ZNF839: variants seen among roughly 807,000 people sequenced by gnomAD.
ZNF839 encodes renal carcinoma antigen NY-REN-50.
In ZNF839, 38 loss-of-function variants were observed where a neutral mutation model predicts 56.4. The ratio of observed to expected loss-of-function variants is 0.67; its 90% CI spans 0.52 to 0.88. ZNF839 has a LOEUF of 0.88. Among genes scored for constraint, ZNF839 ranks in the 40% least tolerant of loss-of-function variants. The probability of loss-of-function intolerance (pLI) is 0.00; values close to 1 mark genes in which losing one functional copy is unlikely to be tolerated. For synonymous variants in ZNF839, 486 were observed against 493.5 expected, an observed-to-expected ratio of 0.98 and a Z score of 0.20; for missense variants, 1,091 against 1,177.6, an observed-to-expected ratio of 0.93 and a Z score of 1.08.
intron 1 of ZNF839, among the ~76,000 whole-genome samples, chr14:102,320,293 C>A (rs1383069270): frequency 2.0e-5 from 3 of 152,226 alleles, no homozygotes; most frequent in Non-Finnish European, 4.4e-5. Flanking sequence ...GGAACGCCCT[C>A]GTGCCTTCTC....
rs1339733251 is a variant in ZNF839 at position 102,324,478 on chromosome 14, G to C, written c.289-1507G>C. 5.9e-5 allele frequency among the ~76,000 whole-genome samples: 9 copies of C among 152,152 alleles called. No individual in the cohort carries two copies. In the East Asian group the frequency reaches 1.7e-3, roughly 29 times the overall value. Reference sequence around the variant, plus strand: ...GAATTGCTTGAACCTGAGAGGCAGAGGTTGCACTGAGCTGAGATAGCGCCA... The same window carrying C: ...GAATTGCTTGAACCTGAGAGGCAGACGTTGCACTGAGCTGAGATAGCGCCA... On this transcript the variant is annotated intron_variant, in intron 1 of 7. Coordinates refer to ENST00000442396, the MANE Select transcript of ZNF839 (RefSeq NM_018335.6).
upstream of ZNF839, among the ~76,000 whole-genome samples, chr14:102,319,147 C>G (rs1370838587): frequency 2.6e-5 from 4 of 152,204 alleles, no homozygotes; most frequent in African/African-American, 9.7e-5. This position sits in a 1 kb window ranked among gnomAD's most constrained non-coding sequence, Gnocchi z 4.5. Context: ...TCATATTCAT[C>G]CATCCATCAT....
chr14:102,326,633 T>A lies in ZNF839; in HGVS notation c.937T>A (p.Phe313Ile). 6.2e-7 allele frequency: 1 copy of A among 1,613,444 alleles called. No individual in the cohort carries two copies. Among genetic ancestry groups the A allele is most frequent in the Non-Finnish European group, 8.5e-7 (1 of 1,179,724 alleles). ...GAGCTGCTCCCTGAGGCCCAAAAGC[T>A]TTAAGTGTCAGACTTGTGAAAAGTC... ...LSSCSLRPKSFKCQTCEKSYI... is the reference protein window; with the variant it reads ...LSSCSLRPKSIKCQTCEKSYI... The change falls in exon 2 of 8, where the codon TTT (phenylalanine) becomes ATT (isoleucine). Residue 313 changes from phenylalanine (F) to isoleucine (I), a missense_variant. By Grantham distance (21) the Phe-to-Ile change is conservative. Coordinates refer to ENST00000442396, the MANE Select transcript of ZNF839 (RefSeq NM_018335.6). This position sits in a 1 kb window ranked among gnomAD's most constrained non-coding sequence, Gnocchi z 4.3.
intron 1 of ZNF839, 21 bp from the exon 2 acceptor site, chr14:102,325,964 T>C: frequency 1.9e-6 from 3 of 1,605,870 alleles, no homozygotes; most frequent in South Asian, 2.2e-5. Flanking sequence ...CTTTTCTCTT[T>C]CTTGTCTTTC....
At chr14:102,337,821 G>A (rs912219281) in intron 5 of ZNF839, 1 of 152,218 alleles carries the variant, frequency 6.6e-6, no homozygotes, top group Non-Finnish European at 1.5e-5. Flanking sequence ...TGCTCTGTGG[G>A]GTTCTCTTTA....
In ZNF839 at chr14:102,332,397, T is replaced by C. The variant is rs1369397217; in HGVS notation, c.1416+551T>C. Among the ~76,000 whole-genome samples the C allele has an allele frequency of 1.3e-5, 2 of 152,026 alleles. No individual in the cohort carries two copies. Among genetic ancestry groups the C allele is most frequent in the Non-Finnish European group, 2.9e-5 (2 of 68,004 alleles). On this transcript the variant is annotated intron_variant, in intron 3 of 7. Coordinates refer to ENST00000442396, the MANE Select transcript of ZNF839 (RefSeq NM_018335.6). The surrounding 1 kb of genome is among the most constrained non-coding windows in gnomAD (Gnocchi z 4.9). ...ATCCACCCGCCTTGGCTTCCCAAAG[T>C]GTTGGGATTACAGGCATGAGCCACC...
At chr14:102,324,910 G>T (rs1193797689) in intron 1 of ZNF839, among the ~76,000 whole-genome samples, 1 of 151,960 alleles carries the variant, frequency 6.6e-6, no homozygotes. Context: ...AGATAGTGTC[G>T]CTCCACTCCA....
rs1567280693 is a variant in ZNF839, at chr14:102,319,801, C to T, written c.36C>T (p.Ser12=). 8.1e-6 allele frequency: 10 copies of T among 1,231,744 alleles called. No individual in the cohort carries two copies. The highest frequency in any genetic ancestry group is 3.2e-5 in the East Asian group (1 of 31,514). The allele number at this position is 1,231,744 out of a possible 1,614,324, so 76.3% of individuals were successfully genotyped here. A position where few individuals can be genotyped will look rare whatever the true frequency, so the allele number is the denominator to read the frequency against. ...ADAEPEAGGG[S]EDGGGGGGPA... is the part of the protein sequence containing the mutation. ...CGGAGCCGGAGGCTGGGGGCGGCAG[C>T]GAGGATGGCGGCGGCGGCGGCGGCC... Residue 12 remains serine (S), a synonymous_variant, in exon 1 of 8, where the codon AGC becomes AGT. Coordinates refer to ENST00000442396, the MANE Select transcript of ZNF839 (RefSeq NM_018335.6). The surrounding 1 kb of genome is among the most constrained non-coding windows in gnomAD (Gnocchi z 4.5).
At chr14:102,317,814 CTTCACATTTCT>C (rs1597701262), upstream of ZNF839, 1 of 152,184 alleles carries the variant, frequency 6.6e-6, no homozygotes, top group African/African-American at 2.4e-5. Context: ...ACATCTTAGG[CTTCACATTTCT>C]TCCTCTTGGT....
intron 5 of ZNF839, among the ~76,000 whole-genome samples, chr14:102,336,242 A>C (rs1490003602): frequency 6.6e-6 from 1 of 151,494 alleles, no homozygotes; most frequent in Non-Finnish European, 1.5e-5. Flanking sequence ...TAGTAATGAC[A>C]TTTTCCTGTT....
intron 5 of ZNF839, chr14:102,337,118 C>T (rs1885839475): frequency 1.3e-5 from 2 of 152,104 alleles, no homozygotes; most frequent in African/African-American, 2.4e-5. Context: ...ACACAATTCT[C>T]ATTTCAGTGT....
At chr14:102,323,475 C>A (rs1005218391) in intron 1 of ZNF839, among the ~76,000 whole-genome samples, 1 of 152,194 alleles carries the variant, frequency 6.6e-6, no homozygotes, top group Non-Finnish European at 1.5e-5. Flanking sequence ...TCCCTGACAC[C>A]TGTAACAGTG....
chr14:102,320,860 A>AG (rs555628242), intron 1 of ZNF839, among the ~76,000 whole-genome samples: 149 of 152,192 alleles, frequency 9.8e-4, no homozygotes, highest in Non-Finnish European at 1.9e-3. Context: ...CTGAAGCCAG[A>AG]GGGCCTACAC....
chr14:102,339,139 G>C lies in ZNF839; in HGVS notation c.1843G>C (p.Ala615Pro), dbSNP rs758004844. The stretch of plus-strand genomic sequence containing the variant: ...CTCAGTGAAAAGGCCCAGAAGAGAA[G>C]CCCTGTCCAACGATACCACTGAATC... ...LASVKRPRRE[A>P]LSNDTTESLA... The change falls in exon 7 of 8, where the codon GCC (alanine) becomes CCC (proline). Residue 615 changes from alanine to proline, a missense_variant. Physicochemically the swap from Ala to Pro is conservative, Grantham distance 27 (BLOSUM62 -1). Transcript: ENST00000442396. 1.2e-6 allele frequency: 2 copies of C among 1,613,554 alleles called. No individual in the cohort carries two copies. Among genetic ancestry groups the C allele is most frequent in the Non-Finnish European group, 1.7e-6 (2 of 1,179,672 alleles).
At chr14:102,323,168 T>C (rs1284998687) in intron 1 of ZNF839, among the ~76,000 whole-genome samples, 1 of 152,028 alleles carries the variant, frequency 6.6e-6, no homozygotes, top group Non-Finnish European at 1.5e-5. Flanking sequence ...AATAAGTGAT[T>C]CTCAACCGAG....
In ZNF839 at chr14:102,320,657, A is replaced by AT. The variant is rs560427240; in HGVS notation, c.288+605dup. 3.3e-4 allele frequency among the ~76,000 whole-genome samples: 51 copies of AT among 152,344 alleles called. No homozygotes were observed. The East Asian group carries it at 9.6e-3, about 29-fold the overall frequency. On this transcript the variant is annotated intron_variant, in intron 1 of 7. Transcript: ENST00000442396. ...GCTGCAGGACTTAACATCCTGGGTG[A>AT]TAGTGACTGATTTGTAACCGCAGTA... is the stretch of plus-strand genomic sequence containing the variant.
At chr14:102,331,403 C>T (rs182163664) in intron 2 of ZNF839, 12 of 479,408 alleles carry the variant, frequency 2.5e-5, no homozygotes, top group East Asian at 1.9e-4. Flanking sequence ...CGCGCGCCAC[C>T]GCGCCTGGCT....
At chr14:102,319,707 A>G (rs28466273), upstream of ZNF839, 519 of 1,222,048 alleles carry the variant, frequency 4.2e-4, 1 homozygote, top group African/African-American at 7.1e-3. The surrounding 1 kb of genome is among the most constrained non-coding windows in gnomAD (Gnocchi z 4.5). Context: ...CTCCTAGGTG[A>G]CGTACATTGG....
intron 7 of ZNF839, 56 bp downstream of exon 7, chr14:102,339,279 A>G (rs1267700807): frequency 1.9e-6 from 3 of 1,577,920 alleles, no homozygotes; most frequent in East Asian, 2.3e-5. Flanking sequence ...CCCTGCTGAC[A>G]TGCACAGATG....
Sources: allele counts gnomAD v4.1 joint callset (sites outside exome capture counted in the v4.1 genomes callset), GRCh38; gene constraint gnomAD v4.1.1; non-coding constraint Gnocchi (gnomAD v3.1); transcripts MANE v1.5; gene names NCBI Gene and HGNC (gene_info 2026-07-23, HGNC 2026-07-21).